ATRNL1: variants seen among roughly 807,000 people sequenced by gnomAD.
The protein encoded by ATRNL1 is attractin-like protein 1.
A neutral mutation model predicts 182.7 loss-of-function variants in ATRNL1; 95 were observed. The observed-to-expected ratio is 0.52, with a 90% CI of 0.44 to 0.62. ATRNL1 has a LOEUF of 0.62. Ranked by LOEUF, ATRNL1 falls within the 20% of genes least tolerant of loss-of-function variation. ATRNL1 has a pLI of 0.00. For missense variants in ATRNL1, 1,471 were observed against 1,679.5 expected (o/e 0.88, Z 2.17); for synonymous variants, 576 against 568.3 (o/e 1.01, Z -0.19).
chr10:115,622,464 C>T (rs1462598279), intron 26 of ATRNL1, among the ~76,000 whole-genome samples: 3 of 152,150 alleles, frequency 2.0e-5, no homozygotes, highest in Non-Finnish European at 2.9e-5. Context: ...TGTAATTGTT[C>T]TGATCATAAG....
chr10:115,686,257 G>A (rs1555046304), intron 26 of ATRNL1, among the ~76,000 whole-genome samples: 5 of 151,924 alleles, frequency 3.3e-5, no homozygotes, highest in Non-Finnish European at 2.9e-5. Flanking sequence ...GGTTGAAGAC[G>A]AAGCATTGCC....
chr10:115,932,801 G>T (rs1953442429), intron 28 of ATRNL1, among the ~76,000 whole-genome samples: 1 of 152,056 alleles, frequency 6.6e-6, no homozygotes, highest in Admixed American at 6.6e-5. Context: ...CTAGTTGATA[G>T]CTTGTCTTTT....
chr10:115,149,876 CTTTTT>C (rs57382865), intron 5 of ATRNL1, among the ~76,000 whole-genome samples: 1 of 123,272 alleles, frequency 8.1e-6, no homozygotes. Context: ...TCTCCTTTTC[CTTTTT>C]TTTTTTTTTT....
intron 10 of ATRNL1, among the ~76,000 whole-genome samples, chr10:115,258,610 CT>C (rs1292316248): frequency 2.0e-5 from 3 of 152,140 alleles, no homozygotes; most frequent in African/African-American, 7.2e-5. Flanking sequence ...CTGAAGCCTA[CT>C]TCTGTTAACT....
Position 115,160,112 on chromosome 10 carries a change from C to G in ATRNL1, c.902C>G (p.Pro301Arg). ...CTGCCAAACGTTAAACCCTTCAGTC[C>G]TTCTGTAGGTCGGGCTTCACATAAA... ...WILPNVKPFS[P>R]SVGRASHKAV... Residue 301 changes from proline to arginine, a missense_variant, in exon 6 of 29, where the codon CCT becomes CGT. Transcript: ENST00000355044. The G allele has an allele frequency of 6.2e-7, 1 of 1,609,198 alleles. No homozygotes were observed. The highest frequency in any genetic ancestry group is 1.1e-5 in the South Asian group (1 of 90,778).
At chr10:115,303,221 G>GTTTTTTTTTT (rs5788103) in intron 17 of ATRNL1, among the ~76,000 whole-genome samples, 1 of 107,024 alleles carries the variant, frequency 9.3e-6, no homozygotes. Context: ...TGGTATGCAG[G>GTTTTTTTTTT]TTTTTTTTTT....
intron 26 of ATRNL1, among the ~76,000 whole-genome samples, chr10:115,593,668 A>C (rs1159647377): frequency 6.6e-6 from 1 of 152,196 alleles, no homozygotes; most frequent in African/African-American, 2.4e-5. Flanking sequence ...TTTTCCAATT[A>C]AAACTATATC....
chr10:115,466,278 A>G (rs1013956829), intron 22 of ATRNL1, among the ~76,000 whole-genome samples: 5 of 151,420 alleles, frequency 3.3e-5, no homozygotes, highest in African/African-American at 1.2e-4. Context: ...AGGAATTAAT[A>G]TATTCTCTAT....
chr10:115,229,930 TAAGA>T (rs1849854134), intron 9 of ATRNL1, among the ~76,000 whole-genome samples: 1 of 152,184 alleles, frequency 6.6e-6, no homozygotes, highest in South Asian at 2.1e-4. Context: ...CTACCTGTGC[TAAGA>T]AAGAGGACAT....
intron 27 of ATRNL1, among the ~76,000 whole-genome samples, chr10:115,728,369 A>G (rs1299179133): frequency 1.3e-5 from 2 of 150,202 alleles, no homozygotes; most frequent in African/African-American, 4.9e-5. Context: ...TCAAAGCATT[A>G]TGATGCATAC....
At chr10:115,247,067 A>T (rs192045066) in intron 10 of ATRNL1, among the ~76,000 whole-genome samples, 10 of 152,336 alleles carry the variant, frequency 6.6e-5, no homozygotes, top group Admixed American at 4.6e-4. Flanking sequence ...AAAACAACAG[A>T]AAACAGGAAT....
chr10:115,646,961 C>G (rs1408681485), intron 26 of ATRNL1, among the ~76,000 whole-genome samples: 5 of 129,410 alleles, frequency 3.9e-5, no homozygotes, highest in African/African-American at 5.8e-5. Context: ...CTCCCCCCAC[C>G]CCACAACAGG....
chr10:115,750,965 G>A (rs1948431960), intron 27 of ATRNL1, among the ~76,000 whole-genome samples: 1 of 151,984 alleles, frequency 6.6e-6, no homozygotes, highest in Non-Finnish European at 1.5e-5. Flanking sequence ...CTTGTGGTAA[G>A]CAGAAAAGTG....
intron 25 of ATRNL1, among the ~76,000 whole-genome samples, chr10:115,536,729 G>C (rs1456621981): frequency 6.6e-6 from 1 of 152,168 alleles, no homozygotes; most frequent in African/African-American, 2.4e-5. Context: ...CTGCAGACCG[G>C]AGCTGTTCCT....
At chr10:115,264,411 T>C (rs1488011371) in intron 10 of ATRNL1, among the ~76,000 whole-genome samples, 2 of 151,694 alleles carry the variant, frequency 1.3e-5, no homozygotes, top group Non-Finnish European at 3.0e-5. Context: ...CTTGTATCTA[T>C]ATGCTTTCAT....
intron 9 of ATRNL1, among the ~76,000 whole-genome samples, chr10:115,233,694 T>C (rs1226903149): frequency 1.3e-5 from 2 of 152,132 alleles, no homozygotes; most frequent in Admixed American, 6.5e-5. Context: ...TCTTTTTTCC[T>C]GGTTTGATAA....
At chr10:115,904,158 A>G (rs975061607) in intron 28 of ATRNL1, among the ~76,000 whole-genome samples, 10 of 152,160 alleles carry the variant, frequency 6.6e-5, no homozygotes, top group Admixed American at 2.0e-4. Context: ...CAAGCCAATC[A>G]CCTGCCAGCA....
At chr10:115,403,255 A>ATTTTTTTTTTTTTTTTT (rs1844658301) in intron 20 of ATRNL1, among the ~76,000 whole-genome samples, 2 of 78,342 alleles carry the variant, frequency 2.6e-5, no homozygotes, top group African/African-American at 1.6e-4. Flanking sequence ...AATTACTCTC[A>ATTTTTTTTTTTTTTTTT]TCTTTTTTTT....
At chr10:115,672,604 A>G (rs539265421) in intron 26 of ATRNL1, among the ~76,000 whole-genome samples, 4 of 152,154 alleles carry the variant, frequency 2.6e-5, no homozygotes, top group Non-Finnish European at 4.4e-5. Flanking sequence ...GAAGTTAAGA[A>G]TATAGGCTTC....
Sources: allele counts gnomAD v4.1 joint callset (sites outside exome capture counted in the v4.1 genomes callset), GRCh38; gene constraint gnomAD v4.1.1; transcripts MANE v1.5; gene names NCBI Gene and HGNC (gene_info 2026-07-23, HGNC 2026-07-21).